The following RARS1 variants were observed in gnomAD, a reference collection of about 807,000 sequenced individuals.
The protein encoded by RARS1 is arginyl-tRNA synthetase 1.
In RARS1, 75 loss-of-function variants were observed where a neutral mutation model predicts 78.7. The ratio of observed to expected loss-of-function variants is 0.95; its 90% CI spans 0.79 to 1.15. RARS1 has a LOEUF of 1.15. Among genes scored for constraint, RARS1 ranks in the 50% most tolerant of loss-of-function variants. RARS1 has a pLI of 0.00. For missense variants in RARS1, 787 were observed against 787.5 expected, an observed-to-expected ratio of 1.00 and a Z score of 0.01; for synonymous variants, 273 against 268.2, an observed-to-expected ratio of 1.02 and a Z score of -0.18.
rs761403540 is a variant in RARS1 at position 168,518,082 on chromosome 5, TTTTTTTTTTTTTTA to T, written c.1873+21_1873+34del. On this transcript the variant is annotated intron_variant, in intron 14 of 14. Coordinates refer to ENST00000231572, the MANE Select transcript of RARS1 (RefSeq NM_002887.4). ...AGACTGGTGAGTGTCTTTTTTTTTT[TTTTTTTTTTTTTTA>T]GTGAGAGACACGGATCTTGCTCTGT... 2.2e-4 allele frequency: 313 copies of T among 1,424,616 alleles called. 6 individuals carry two copies. In the African/African-American group the frequency reaches 4.8e-3, roughly 22 times the overall value. 88.2% of individuals were successfully genotyped at this position (1,424,616 alleles called of 1,614,324 possible).
At chr5:168,488,782 T>C (rs773715100) in intron 2 of RARS1, 46 bp downstream of exon 2, 34 of 1,527,442 alleles carry the variant, frequency 2.2e-5, no homozygotes, top group Middle Eastern at 2.4e-4. Flanking sequence ...TGAATCATTA[T>C]AGCTTTTTTA....
chr5:168,492,503 CT>C (rs1312319777), intron 2 of RARS1, among the ~76,000 whole-genome samples, 155 bp from the exon 3 acceptor site: 1 of 152,178 alleles, frequency 6.6e-6, no homozygotes, highest in Non-Finnish European at 1.5e-5. Flanking sequence ...TGCTGCATGT[CT>C]TAGCAAATCC....
chr5:168,495,459 C>CTAT, intron 6 of RARS1, 23 bp downstream of exon 6: 1 of 1,598,272 alleles, frequency 6.3e-7, no homozygotes, highest in Non-Finnish European at 8.5e-7. Flanking sequence ...GCCTTGCGTA[C>CTAT]TATTCTCTTT....
chr5:168,511,643 C>G (rs1044467645), intron 12 of RARS1, among the ~76,000 whole-genome samples: 1 of 152,222 alleles, frequency 6.6e-6, no homozygotes. Context: ...TTTAACCACT[C>G]CAGCTAGTAA....
chr5:168,496,547 A>G (rs1426599834), intron 6 of RARS1, among the ~76,000 whole-genome samples: 2 of 151,742 alleles, frequency 1.3e-5, no homozygotes, highest in African/African-American at 2.4e-5. Context: ...CAGTGGCGCA[A>G]TCCTGGCTCA....
chr5:168,493,715 T>C (rs753114833), intron 3 of RARS1, among the ~76,000 whole-genome samples, 179 bp from the exon 4 acceptor site: 3 of 152,144 alleles, frequency 2.0e-5, no homozygotes, highest in Non-Finnish European at 4.4e-5. Flanking sequence ...GTGGGCACTT[T>C]CTATGCCTCT....
rs1195171964 is a variant in RARS1 at position 168,506,218 on chromosome 5, A to T, written c.1236+19A>T. ...TGGACAAGTGAGTTTGTAAATTTGT[A>T]TGTGTTTTACATTGACTGATTAGAG... is the stretch of plus-strand genomic sequence containing the variant. On this transcript the variant is annotated intron_variant, in intron 10 of 14. Transcript: ENST00000231572. The T allele has an allele frequency of 1.1e-5, 16 of 1,521,714 alleles. No homozygotes were observed. The highest frequency in any genetic ancestry group is 1.4e-5 in the Non-Finnish European group (16 of 1,120,882). 94.3% of individuals were successfully genotyped at this position (1,521,714 alleles called of 1,614,324 possible).
chr5:168,495,161 T>A, intron 5 of RARS1, 154 bp from the exon 6 acceptor site: 1 of 1,308,304 alleles, frequency 7.6e-7, no homozygotes, highest in South Asian at 1.7e-5. Context: ...CATGGTTGAA[T>A]TACGGCCCAA....
intron 8 of RARS1, among the ~76,000 whole-genome samples, chr5:168,501,680 G>A (rs1357507365): frequency 3.9e-5 from 6 of 152,088 alleles, no homozygotes; most frequent in Admixed American, 1.3e-4. Flanking sequence ...CTGAGATCAC[G>A]CCACTGTACT....
At chr5:168,514,758 C>T (rs1426942494) in intron 12 of RARS1, among the ~76,000 whole-genome samples, 1 of 152,176 alleles carries the variant, frequency 6.6e-6, no homozygotes, top group African/African-American at 2.4e-5. Context: ...TTTTTCTAGT[C>T]TAAGATCCAG....
intron 11 of RARS1, 126 bp from the exon 12 acceptor site, chr5:168,510,455 A>G (rs1758541597): frequency 1.4e-6 from 1 of 708,716 alleles, no homozygotes; most frequent in South Asian, 1.7e-5. Flanking sequence ...CAGGGGCAAT[A>G]TGTACCTTAG....
chr5:168,513,722 A>C (rs1345400313), intron 12 of RARS1, among the ~76,000 whole-genome samples: 5 of 152,046 alleles, frequency 3.3e-5, no homozygotes, highest in African/African-American at 1.2e-4. Flanking sequence ...ATTATTTTGC[A>C]TTAGACAATC....
At chr5:168,518,257 G>A (rs928961306) in intron 14 of RARS1, among the ~76,000 whole-genome samples, 195 bp downstream of exon 14, 19 of 151,382 alleles carry the variant, frequency 1.3e-4, no homozygotes, top group African/African-American at 4.6e-4. Flanking sequence ...AGCTCCAAGT[G>A]TCTCATTTAG....
At chr5:168,499,663 A>G (rs1400556320) in intron 7 of RARS1, among the ~76,000 whole-genome samples, 1 of 152,212 alleles carries the variant, frequency 6.6e-6, no homozygotes, top group Non-Finnish European at 1.5e-5. Flanking sequence ...TATTAATGCA[A>G]GAAATTGTTT....
At chr5:168,517,038 TGAGAC>T (rs1758679914) in intron 13 of RARS1, 88 bp downstream of exon 13, 1 of 1,355,074 alleles carries the variant, frequency 7.4e-7, no homozygotes, top group African/African-American at 1.5e-5. Context: ...TTTTTTGAAA[TGAGAC>T]GGGGTCTTGG....
chr5:168,519,169 A>G lies in RARS1; in HGVS notation c.1962A>G (p.Ile654Met). The part of the protein sequence containing the change: ...VMAKGFDILG[I>M]KPVQRM ...CCAAGGGGTTTGATATCCTGGGAAT[A>G]AAACCTGTCCAAAGGATGTAATCCT... The change falls in exon 15 of 15, where the codon ATA (isoleucine) becomes ATG (methionine). Residue 654 changes from isoleucine to methionine, a missense_variant. Transcript: ENST00000231572. 1 of 1,613,282 alleles carries G rather than the reference A, an allele frequency of 6.2e-7. No homozygotes were observed. Among genetic ancestry groups the G allele is most frequent in the Non-Finnish European group, 8.5e-7 (1 of 1,179,262 alleles).
intron 3 of RARS1, chr5:168,493,073 C>T (rs1294455705): frequency 2.8e-5 from 12 of 428,098 alleles, no homozygotes; most frequent in Non-Finnish European, 4.7e-5. Flanking sequence ...TATTTAAGGG[C>T]AATCATTGGT....
intron 1 of RARS1, 22 bp from the exon 2 acceptor site, chr5:168,488,580 A>G: frequency 6.3e-7 from 1 of 1,594,650 alleles, no homozygotes; most frequent in Non-Finnish European, 8.5e-7. Context: ...ATGGACTGAA[A>G]AAAGTGCTTT....
At chr5:168,500,056 C>T (rs1426151350) in intron 7 of RARS1, among the ~76,000 whole-genome samples, 2 of 151,858 alleles carry the variant, frequency 1.3e-5, no homozygotes, top group East Asian at 3.9e-4. Context: ...GGTGTGATGG[C>T]TTGTGCCTGT....
Sources: allele counts gnomAD v4.1 joint callset (sites outside exome capture counted in the v4.1 genomes callset), GRCh38; gene constraint gnomAD v4.1.1; transcripts MANE v1.5; gene names NCBI Gene and HGNC (gene_info 2026-07-23, HGNC 2026-07-21).